Variants in PDE2A observed in about 807,000 individuals in gnomAD.
The protein encoded by PDE2A is cGMP-dependent 3',5'-cyclic phosphodiesterase.
A neutral mutation model predicts 133.6 loss-of-function variants in PDE2A; 53 were observed. The observed-to-expected ratio is 0.40, with a 90% confidence interval of 0.32 to 0.50. The LOEUF is 0.50. Ranked by LOEUF, PDE2A falls within the 20% of genes least tolerant of loss-of-function variation. The pLI, the probability that PDE2A is intolerant of heterozygous loss-of-function variation, is 0.73. For missense variants in PDE2A, 796 were observed against 1,232.4 expected, an observed-to-expected ratio of 0.65 and a Z score of 5.30; for synonymous variants, 491 against 490.2, an observed-to-expected ratio of 1.00 and a Z score of -0.02.
chr11:72,643,037 T>G (rs908152530), intron 1 of PDE2A: 3 of 154,118 alleles, frequency 1.9e-5, no homozygotes, highest in Admixed American at 6.5e-5. Context: ...CCCCCAGGCC[T>G]GGGTGGGCAG....
intron 2 of PDE2A, among the ~76,000 whole-genome samples, chr11:72,619,004 T>C (rs1857614655): frequency 6.6e-6 from 1 of 152,098 alleles, no homozygotes; most frequent in Non-Finnish European, 1.5e-5. Context: ...CTTTCCTTCC[T>C]CACATCCCGA....
At chr11:72,640,264 G>A (rs961014379) in intron 2 of PDE2A, among the ~76,000 whole-genome samples, 3 of 151,676 alleles carry the variant, frequency 2.0e-5, no homozygotes, top group African/African-American at 7.3e-5. Flanking sequence ...TAGACACAGA[G>A]ACACATGCAG....
intron 2 of PDE2A, among the ~76,000 whole-genome samples, chr11:72,611,363 G>T (rs1267887427): frequency 1.3e-5 from 2 of 152,134 alleles, no homozygotes; most frequent in Non-Finnish European, 1.5e-5. Context: ...TCTGGTTCCT[G>T]CTCAGCACCC....
chr11:72,655,525 A>ATGTG (rs146709502), intron 1 of PDE2A, among the ~76,000 whole-genome samples: 1 of 142,450 alleles, frequency 7.0e-6, no homozygotes, highest in Admixed American at 6.7e-5. Context: ...GTGTGTGTGC[A>ATGTG]TGTGTGTGTG....
At chr11:72,669,976 G>A (rs939097689) in intron 1 of PDE2A, among the ~76,000 whole-genome samples, 1 of 152,170 alleles carries the variant, frequency 6.6e-6, no homozygotes, top group Non-Finnish European at 1.5e-5. Flanking sequence ...CTTCACGGAA[G>A]AAAGTGCTTC....
intron 2 of PDE2A, 72 bp downstream of exon 2, chr11:72,642,182 G>C: frequency 1.5e-6 from 2 of 1,370,362 alleles, no homozygotes; most frequent in Non-Finnish European, 9.5e-7. Flanking sequence ...AAGGGTTCGG[G>C]GGCGGGCAGA....
At position 72,589,986 on chromosome 11, in the gene PDE2A, G is replaced by A. The variant is rs1403047720; in HGVS notation, c.757-5C>T. ...TGCCCGGGTCTCCTGCTGCAGCTGAGAGAGGGACAGGCAGGGCGAGGGGGT... is the reference window on the plus strand; with the variant it reads ...TGCCCGGGTCTCCTGCTGCAGCTGAAAGAGGGACAGGCAGGGCGAGGGGGT... On this transcript the variant is annotated splice_region_variant and splice_polypyrimidine_tract_variant and intron_variant, in intron 9 of 30. Coordinates refer to ENST00000334456, the MANE Select transcript of PDE2A (RefSeq NM_002599.5). The A allele has an allele frequency of 1.2e-6, 2 of 1,610,856 alleles. No individual in the cohort carries two copies. The highest frequency in any genetic ancestry group is 1.1e-5 in the South Asian group (1 of 90,302).
chr11:72,635,865 A>G (rs1858656244), intron 2 of PDE2A: 2 of 538,352 alleles, frequency 3.7e-6, no homozygotes, highest in Non-Finnish European at 2.5e-6. Context: ...TTGGGGCGAT[A>G]CTGCTCTTCA....
intron 6 of PDE2A, among the ~76,000 whole-genome samples, chr11:72,594,601 C>A (rs566246274): frequency 5.3e-5 from 8 of 152,254 alleles, no homozygotes; most frequent in African/African-American, 1.7e-4. Context: ...AAACTCCTGG[C>A]AGCCAGAGCC....
rs1489740948 is a variant in PDE2A, at chr11:72,577,238, G to C, written c.*146C>G. 1 of 614,054 alleles carries C rather than the reference G, an allele frequency of 1.6e-6. No homozygotes were observed. Among genetic ancestry groups the C allele is most frequent in the African/African-American group, 1.8e-5 (1 of 54,176 alleles). 38.0% of individuals were successfully genotyped at this position (614,054 alleles called of 1,614,324 possible). On this transcript the variant is annotated 3_prime_UTR_variant, in exon 31 of 31. Transcript: ENST00000334456. ...TCCATTATACAGACGAGAAAGCTGAGGCCCAGGAAGGTAGTACTTGTCCAG... is the reference window on the plus strand; with the variant it reads ...TCCATTATACAGACGAGAAAGCTGACGCCCAGGAAGGTAGTACTTGTCCAG...
In PDE2A at chr11:72,669,580, C is replaced by G. The variant is rs1855337726; in HGVS notation, c.71+4557G>C. Among the ~76,000 whole-genome samples the G allele has an allele frequency of 2.0e-5, 3 of 152,192 alleles. No homozygotes were observed. The South Asian group carries it at 6.2e-4, about 32-fold the overall frequency. On this transcript the variant is annotated intron_variant, in intron 1 of 30. Coordinates refer to ENST00000334456, the MANE Select transcript of PDE2A (RefSeq NM_002599.5). ...TGACAGGGAGCCCACGGCCACCACC[C>G]TGGAGGCCACAATCCTGTGTCTCAG...
Position 72,578,248 on chromosome 11 carries a change from G to A in PDE2A, c.2600C>T (p.Ala867Val). ...GCTCACTCACTTGTAGATGGGCATT[G>A]CAATGTGCTCCATGAAGCTGATTTG... is the stretch of plus-strand genomic sequence containing the variant. ...ELQISFMEHI[A>V]MPIYKLLQDL... The change falls in exon 30 of 31, where the codon GCA becomes GTA. Residue 867 changes from alanine to valine, a missense_variant. By Grantham distance (64) the Ala-to-Val change is moderately conservative (BLOSUM62 0). Coordinates refer to ENST00000334456, the MANE Select transcript of PDE2A (RefSeq NM_002599.5). This position sits in a 1 kb window ranked among gnomAD's most constrained non-coding sequence, Gnocchi z 4.2. The A allele has an allele frequency of 1.2e-6, 2 of 1,606,464 alleles. No individual in the cohort carries two copies. Among genetic ancestry groups the A allele is most frequent in the Non-Finnish European group, 1.7e-6 (2 of 1,173,066 alleles).
intron 6 of PDE2A, among the ~76,000 whole-genome samples, chr11:72,595,035 GACACACACACACACACACAC>G (rs34720227): frequency 6.7e-6 from 1 of 148,658 alleles, no homozygotes; most frequent in East Asian, 2.0e-4. Context: ...GCGTCCCTGA[GACACACACACACACACACAC>G]ACACACACAC....
intron 1 of PDE2A, among the ~76,000 whole-genome samples, chr11:72,670,030 C>T (rs372609476): frequency 1.7e-4 from 26 of 152,268 alleles, no homozygotes; most frequent in South Asian, 1.4e-3. Context: ...TGCTCCACCA[C>T]GGCCCAGGGC....
At chr11:72,642,157 G>A in intron 2 of PDE2A, 97 bp downstream of exon 2, 1 of 1,333,056 alleles carries the variant, frequency 7.5e-7, no homozygotes, top group Non-Finnish European at 9.7e-7. Flanking sequence ...CTAGAGGAGG[G>A]GTCTCCTCCC....
chr11:72,614,949 C>T (rs1252236520), intron 2 of PDE2A: 7 of 337,046 alleles, frequency 2.1e-5, no homozygotes, highest in Non-Finnish European at 5.0e-5. Flanking sequence ...CTGCCAGAGA[C>T]CTTTCCTCCT....
intron 2 of PDE2A, among the ~76,000 whole-genome samples, chr11:72,628,562 C>T (rs1231080873): frequency 6.6e-6 from 1 of 152,186 alleles, no homozygotes; most frequent in African/African-American, 2.4e-5. Flanking sequence ...ATCTCCTGAC[C>T]TTGTGATCCA....
chr11:72,651,976 T>G (rs1435484942), intron 1 of PDE2A, among the ~76,000 whole-genome samples: 1 of 152,208 alleles, frequency 6.6e-6, no homozygotes, highest in East Asian at 1.9e-4. Flanking sequence ...ATCTCTACGA[T>G]GACAGAGTGG....
rs138169255 is a variant in PDE2A at position 72,581,930 on chromosome 11, C to A, written c.1869G>T (p.Leu623=). 2 of 1,613,194 alleles carry A rather than the reference C, an allele frequency of 1.2e-6. No individual in the cohort carries two copies. Among genetic ancestry groups the A allele is most frequent in the Non-Finnish European group, 1.7e-6 (2 of 1,179,312 alleles). ...AGTTGTTGATGAAATTCATGTCCTG[C>A]AGCATGCTCAGGATGGCCTGGAGAG... ...DDTSMAILSM[L]QDMNFINNYK... is the part of the protein sequence containing the mutation. The change falls in exon 22 of 31, where the codon CTG becomes CTT. Residue 623 remains leucine (L), a synonymous_variant. Coordinates refer to ENST00000334456, the MANE Select transcript of PDE2A (RefSeq NM_002599.5).
Sources: allele counts gnomAD v4.1 joint callset (sites outside exome capture counted in the v4.1 genomes callset), GRCh38; gene constraint gnomAD v4.1.1; non-coding constraint Gnocchi (gnomAD v3.1); transcripts MANE v1.5; gene names NCBI Gene and HGNC (gene_info 2026-07-23, HGNC 2026-07-21).